RCOR1: variants seen among roughly 807,000 people sequenced by gnomAD.
The protein encoded by RCOR1 is REST corepressor.
RCOR1 carries 12 observed loss-of-function variants against 64.0 expected under a neutral mutation model. That is an observed-to-expected ratio of 0.19 (90% confidence interval 0.12 to 0.30). The LOEUF is 0.30. Ranked by LOEUF, RCOR1 falls within the 10% of genes least tolerant of loss-of-function variation. The pLI is 1.00. For missense variants in RCOR1, 502 were observed against 621.2 expected (o/e 0.81, Z 2.04); for synonymous variants, 279 against 227.2 (o/e 1.23, Z -2.05).
chr14:102,618,601 C>T (rs1168043294), intron 2 of RCOR1, among the ~76,000 whole-genome samples: 6 of 152,124 alleles, frequency 3.9e-5, no homozygotes, highest in Admixed American at 2.6e-4. Context: ...GCAAGAAAGT[C>T]GACCCTGTCT....
At chr14:102,707,288 G>T in intron 4 of RCOR1, 63 bp from the exon 5 acceptor site, 1 of 1,386,286 alleles carries the variant, frequency 7.2e-7, no homozygotes, top group African/African-American at 1.5e-5. Flanking sequence ...TCTTTTGCTG[G>T]TCTCATTTCC....
intron 3 of RCOR1, among the ~76,000 whole-genome samples, chr14:102,684,652 T>TA (rs995297247): frequency 5.9e-5 from 9 of 152,014 alleles, no homozygotes; most frequent in Admixed American, 1.3e-4. Context: ...GTATAAAGAA[T>TA]AAAAAAAATT....
In RCOR1 at chr14:102,710,885, C is replaced by T. The variant is rs372638814; in HGVS notation, c.780-50C>T. 7.9e-5 allele frequency: 105 copies of T among 1,324,270 alleles called. No individual in the cohort carries two copies. The African/African-American group carries it at 1.1e-3, about 14-fold the overall frequency. The allele number at this position is 1,324,270 out of a possible 1,614,324, so 82.0% of individuals were successfully genotyped here. A position where few individuals can be genotyped will look rare whatever the true frequency, so the allele number is the denominator to read the frequency against. ...GTTAAATCAATTTATCGTTTGTATT[C>T]GGAAAATTAGTACAAAATAATCATT... On this transcript the variant is annotated intron_variant, in intron 6 of 11. Transcript: ENST00000262241.
intron 2 of RCOR1, among the ~76,000 whole-genome samples, chr14:102,596,392 C>T (rs1056225579): frequency 3.3e-5 from 5 of 152,036 alleles, no homozygotes; most frequent in Admixed American, 1.3e-4. Flanking sequence ...GGTGAGCCAC[C>T]GTGCCCAGCC....
chr14:102,594,141 A>C (rs1292032101), intron 2 of RCOR1, among the ~76,000 whole-genome samples: 1 of 152,194 alleles, frequency 6.6e-6, no homozygotes, highest in African/African-American at 2.4e-5. Flanking sequence ...CAGACAAAGG[A>C]ATTCGTCAGA....
chr14:102,691,369 G>C (rs566772498), intron 3 of RCOR1, among the ~76,000 whole-genome samples: 1 of 152,196 alleles, frequency 6.6e-6, no homozygotes, highest in Non-Finnish European at 1.5e-5. Context: ...GTGAGTCATG[G>C]GTTCATTTGT....
chr14:102,650,941 A>G, intron 2 of RCOR1: 1 of 749,306 alleles, frequency 1.3e-6, no homozygotes, highest in Non-Finnish European at 1.6e-6. Flanking sequence ...TTATCTTATT[A>G]CTAATAATTC....
At chr14:102,638,638 G>A (rs781604819) in intron 2 of RCOR1, among the ~76,000 whole-genome samples, 2 of 151,836 alleles carry the variant, frequency 1.3e-5, no homozygotes, top group African/African-American at 4.8e-5. Context: ...GAGCCACCTC[G>A]CCTGGCCTAT....
chr14:102,630,974 G>A (rs1894099712), intron 2 of RCOR1, among the ~76,000 whole-genome samples: 2 of 151,840 alleles, frequency 1.3e-5, no homozygotes, highest in South Asian at 2.1e-4. Context: ...TCCTTTTCCA[G>A]TGAGGTCTGC....
At chr14:102,629,527 G>A (rs901742908) in intron 2 of RCOR1, among the ~76,000 whole-genome samples, 4 of 151,072 alleles carry the variant, frequency 2.6e-5, no homozygotes, top group African/African-American at 9.8e-5. Context: ...TTAAAAATAC[G>A]GACGGAATTT....
chr14:102,667,353 T>A (rs1470254186), intron 2 of RCOR1, among the ~76,000 whole-genome samples: 1 of 151,800 alleles, frequency 6.6e-6, no homozygotes, highest in African/African-American at 2.4e-5. Flanking sequence ...ATATGAAAAC[T>A]AGCCGGGCGT....
intron 2 of RCOR1, chr14:102,659,067 A>G: frequency 2.2e-6 from 2 of 926,768 alleles, no homozygotes; most frequent in Non-Finnish European, 2.6e-6. Flanking sequence ...ATTTACATAA[A>G]TTATTTGAAA....
chr14:102,667,028 G>A (rs1416918031), intron 2 of RCOR1, among the ~76,000 whole-genome samples: 1 of 152,152 alleles, frequency 6.6e-6, no homozygotes, highest in Non-Finnish European at 1.5e-5. Flanking sequence ...AACGTGGAAA[G>A]TGATTTGATC....
At chr14:102,632,419 G>A (rs1347452454) in intron 2 of RCOR1, among the ~76,000 whole-genome samples, 1 of 150,636 alleles carries the variant, frequency 6.6e-6, no homozygotes, top group African/African-American at 2.4e-5. Flanking sequence ...GGGTTTCAAC[G>A]TGTTCTCGAT....
intron 4 of RCOR1, among the ~76,000 whole-genome samples, chr14:102,704,485 G>T (rs1895809839): frequency 6.6e-6 from 1 of 152,136 alleles, no homozygotes; most frequent in African/African-American, 2.4e-5. Context: ...AGGCTGGAGG[G>T]CAATGGTGCG....
chr14:102,632,179 T>C (rs892759758), intron 2 of RCOR1, among the ~76,000 whole-genome samples: 5 of 150,628 alleles, frequency 3.3e-5, no homozygotes, highest in Non-Finnish European at 7.4e-5. Context: ...GAGGGAAAAA[T>C]TGGCTTTGAA....
At position 102,649,888 on chromosome 14, in the gene RCOR1, G is replaced by A. The variant is rs1378241118; in HGVS notation, c.362-32007G>A. 3 of 637,140 alleles carry A rather than the reference G, an allele frequency of 4.7e-6. No individual in the cohort carries two copies. In the African/African-American group the frequency reaches 6.0e-5, roughly 13 times the overall value. The allele number at this position is 637,140 out of a possible 1,614,324, so 39.5% of individuals were successfully genotyped here. A position where few individuals can be genotyped will look rare whatever the true frequency, so the allele number is the denominator to read the frequency against. ...TTGTGTATGAAGGCAGTGAAGAAAG[G>A]TGAGAGCTTAAAGAATCATAGTGGC... On this transcript the variant is annotated intron_variant, in intron 2 of 11. Transcript: ENST00000262241.
At chr14:102,669,799 TTCTA>T (rs1217654763) in intron 2 of RCOR1, among the ~76,000 whole-genome samples, 2 of 152,226 alleles carry the variant, frequency 1.3e-5, no homozygotes. Flanking sequence ...TCCCTTTGAT[TTCTA>T]TCTTTTTGAT....
chr14:102,636,258 A>G (rs1304228664), intron 2 of RCOR1, among the ~76,000 whole-genome samples: 1 of 151,470 alleles, frequency 6.6e-6, no homozygotes, highest in African/African-American at 2.4e-5. Flanking sequence ...GTTTCTAAAA[A>G]AAATTTTTTT....
Sources: allele counts gnomAD v4.1 joint callset (sites outside exome capture counted in the v4.1 genomes callset), GRCh38; gene constraint gnomAD v4.1.1; transcripts MANE v1.5; gene names NCBI Gene and HGNC (gene_info 2026-07-23, HGNC 2026-07-21).